The following KLHL13 variants were observed in gnomAD, a reference collection of about 807,000 sequenced individuals.
KLHL13 encodes the protein kelch like family member 13.
A neutral mutation model predicts 37.1 loss-of-function variants in KLHL13; 10 were observed. That is an observed-to-expected ratio of 0.27 (90% CI 0.17 to 0.46). The LOEUF (loss-of-function observed/expected upper bound fraction) is 0.46. Ranked by LOEUF, KLHL13 falls within the 20% of genes least tolerant of loss-of-function variation. KLHL13 has a pLI of 1.00. For synonymous variants in KLHL13, 163 were observed against 181.2 expected (o/e 0.90, Z 0.81); for missense variants, 360 against 509.3 (o/e 0.71, Z 2.82).
chrX:117,929,102 G>A, intron 2 of KLHL13, among the ~76,000 whole-genome samples: 1 of 112,245 alleles, frequency 8.9e-6, no homozygotes, highest in South Asian at 3.7e-4. Flanking sequence ...GACAAATTCT[G>A]TGAAAGACAC....
At chrX:118,006,945 T>G (rs1001953373) in intron 1 of KLHL13, among the ~76,000 whole-genome samples, 5 of 110,924 alleles carry the variant, frequency 4.5e-5, no homozygotes, top group East Asian at 2.8e-4. Flanking sequence ...ATCACATGAG[T>G]AAAGGATAAA....
At chrX:118,033,060 G>C (rs1397025141) in intron 1 of KLHL13, among the ~76,000 whole-genome samples, 3 of 110,842 alleles carry the variant, frequency 2.7e-5, no homozygotes, top group African/African-American at 9.9e-5. Flanking sequence ...AAAAAGAAAT[G>C]AGCAAAGCCT....
chrX:117,904,821 A>T (rs1930391033), intron 5 of KLHL13, among the ~76,000 whole-genome samples: 1 of 111,347 alleles, frequency 9.0e-6, no homozygotes, highest in Non-Finnish European at 1.9e-5. Flanking sequence ...CTGGCCCTTT[A>T]CAAAAGTTTG....
At chrX:117,987,324 G>T (rs2053739656) in intron 1 of KLHL13, among the ~76,000 whole-genome samples, 2 of 111,838 alleles carry the variant, frequency 1.8e-5, no homozygotes, top group South Asian at 3.8e-4. Context: ...ATGAGTGGGT[G>T]AGTGTAGGTG....
chrX:118,083,164 T>G (rs1262895272), intron 1 of KLHL13, among the ~76,000 whole-genome samples: 1 of 111,806 alleles, frequency 8.9e-6, no homozygotes, highest in African/African-American at 3.2e-5. Flanking sequence ...TCACCTTGGG[T>G]AGCCAATATA....
intron 1 of KLHL13, among the ~76,000 whole-genome samples, chrX:117,971,617 T>C (rs1331883160): frequency 9.0e-6 from 1 of 111,127 alleles, no homozygotes; most frequent in East Asian, 2.8e-4. Flanking sequence ...AACTCTGAAA[T>C]GGCCTCATTT....
At chrX:117,940,952 T>C (rs918107904) in intron 2 of KLHL13, among the ~76,000 whole-genome samples, 3 of 112,023 alleles carry the variant, frequency 2.7e-5, no homozygotes, top group African/African-American at 6.5e-5. Flanking sequence ...TCTTGCCTGA[T>C]TGCCCTGGCC....
chrX:117,983,375 C>T (rs2053686185), intron 1 of KLHL13: 1 of 456,482 alleles, frequency 2.2e-6, no homozygotes, highest in Admixed American at 4.1e-5. Context: ...ATTACTGTAA[C>T]TATACTTGAT....
rs1569308000 is a variant in KLHL13 at position 118,069,149 on chromosome X, C to CACACA, written c.-56+47358_-56+47359insTGTGT. On this transcript the variant is annotated intron_variant, in intron 1 of 6. Transcript: ENST00000371882. ...CACACACACACACACACACACACACCCTCACCTGAACTGAAACTGAAAATT... is the reference window on the plus strand; with the variant it reads ...CACACACACACACACACACACACACCACACACTCACCTGAACTGAAACTGAAAATT... Among the ~76,000 whole-genome samples the CACACA allele has an allele frequency of 1.1e-3, 91 of 80,885 alleles. 1 individual carries two copies. The highest frequency in any genetic ancestry group is 6.4e-3 in the African/African-American group (87 of 13,515). 70.2% of individuals were successfully genotyped at this position (80,885 alleles called of 115,157 possible).
chrX:117,947,252 T>C (rs956373289), intron 1 of KLHL13: 1 of 111,961 alleles, frequency 8.9e-6, no homozygotes, highest in Non-Finnish European at 1.9e-5. Context: ...TGTCTATTCA[T>C]CCAGATTATA....
intron 1 of KLHL13, among the ~76,000 whole-genome samples, chrX:118,090,247 A>G (rs1346586305): frequency 1.8e-5 from 2 of 111,143 alleles, no homozygotes; most frequent in Non-Finnish European, 3.8e-5. Context: ...TTCATGTCTA[A>G]AACACCAAAA....
At chrX:118,103,683 T>C (rs2055313649) in intron 1 of KLHL13, among the ~76,000 whole-genome samples, 1 of 111,225 alleles carries the variant, frequency 9.0e-6, no homozygotes, top group Admixed American at 9.7e-5. Flanking sequence ...GTCTGAAAGA[T>C]AACACTGACT....
At position 118,088,439 on chromosome X, in the gene KLHL13, T is replaced by A. The variant is rs915150817; in HGVS notation, c.-56+28069A>T. Among the ~76,000 whole-genome samples, 5 of 112,089 alleles carry A rather than the reference T, an allele frequency of 4.5e-5. No individual in the cohort carries two copies. The East Asian group carries it at 1.4e-3, about 31-fold the overall frequency. The stretch of plus-strand genomic sequence containing the variant: ...TCTCTCATGAAATCTGTCATCTATA[T>A]ATCACTTCACTTTTATTACCCTTAA... On this transcript the variant is annotated intron_variant, in intron 1 of 6. Transcript: ENST00000371882.
chrX:118,068,689 C>A, intron 1 of KLHL13, among the ~76,000 whole-genome samples: 1 of 111,490 alleles, frequency 9.0e-6, no homozygotes. Flanking sequence ...CAACACTGTG[C>A]CCCACCCCAA....
chrX:117,901,844 A>G, exon 6 of KLHL13: 1 of 1,129,137 alleles, frequency 8.9e-7, no homozygotes, highest in Non-Finnish European at 1.2e-6. Flanking sequence ...TGAAATATAC[A>G]TCACTCCTCC....
Position 117,903,184 on chromosome X carries a change from G to A in KLHL13, c.1367-1238C>T, listed in dbSNP as rs776510845. On this transcript the variant is annotated intron_variant, in intron 5 of 6. Transcript: ENST00000262820. The stretch of plus-strand genomic sequence containing the variant: ...GAGAGAGAGAGAGAGGAGAGCGAGA[G>A]AGAGAGAGAGAGAGAGAGAGACTAC... 5.3e-5 allele frequency among the ~76,000 whole-genome samples: 5 copies of A among 94,595 alleles called. No individual in the cohort carries two copies. The South Asian group carries it at 2.2e-3, about 42-fold the overall frequency. 82.1% of individuals were successfully genotyped at this position (94,595 alleles called of 115,157 possible).
At chrX:117,955,004 T>C (rs1314476127) in intron 1 of KLHL13, among the ~76,000 whole-genome samples, 1 of 112,294 alleles carries the variant, frequency 8.9e-6, no homozygotes, top group African/African-American at 3.2e-5. Flanking sequence ...CTGTAGCTCA[T>C]CAACTTTAAA....
intron 1 of KLHL13, among the ~76,000 whole-genome samples, chrX:118,043,086 A>G (rs1248510771): frequency 9.0e-6 from 1 of 111,632 alleles, no homozygotes; most frequent in African/African-American, 3.2e-5. Context: ...AATTCAAAGG[A>G]TCATTACTGG....
At chrX:117,908,352 T>C (rs981527268) in intron 5 of KLHL13, among the ~76,000 whole-genome samples, 5 of 109,278 alleles carry the variant, frequency 4.6e-5, no homozygotes, top group Admixed American at 2.0e-4. Context: ...CATCAACCTG[T>C]CACCTACATT....
Sources: gnomAD v4.1 joint callset for allele counts (sites outside exome capture counted in the v4.1 genomes callset) on GRCh38, gnomAD v4.1.1 for gene constraint, MANE v1.5 for transcripts, NCBI Gene and HGNC (gene_info 2026-07-23, HGNC 2026-07-21) for gene names.